AGMO: variants seen among roughly 807,000 people sequenced by gnomAD.
AGMO encodes glyceryl-ether monooxygenase.
A neutral mutation model predicts 60.2 loss-of-function variants in AGMO; 75 were observed. That is an observed-to-expected ratio of 1.25 (90% CI 1.03 to 1.51). The LOEUF is 1.51. Among genes scored for constraint, AGMO ranks in the 40% most tolerant of loss-of-function variants. AGMO has a pLI of 0.00. For missense variants in AGMO, 763 were observed against 525.5 expected, an observed-to-expected ratio of 1.45 and a Z score of -4.42; for synonymous variants, 261 against 177.1, an observed-to-expected ratio of 1.47 and a Z score of -3.76.
chr7:15,171,929 C>G, the AGMO span, among the ~76,000 whole-genome samples: 1 of 152,066 alleles, frequency 6.6e-6, no homozygotes, highest in Non-Finnish European at 1.5e-5. Flanking sequence ...ATCTAAGTAC[C>G]TATCTCTGTG....
chr7:15,462,874 T>C (rs1782181925), intron 3 of AGMO, among the ~76,000 whole-genome samples: 1 of 152,130 alleles, frequency 6.6e-6, no homozygotes. Context: ...TAAAAGTATC[T>C]TCTAAAACTC....
At chr7:15,274,695 CTT>C (rs549793677) in intron 12 of AGMO, among the ~76,000 whole-genome samples, 3 of 135,842 alleles carry the variant, frequency 2.2e-5, no homozygotes, top group Non-Finnish European at 1.6e-5. Flanking sequence ...TGGTGATGGG[CTT>C]TTTTTTTTTT....
chr7:15,374,038 G>A (rs922793460), intron 10 of AGMO, among the ~76,000 whole-genome samples: 1 of 152,154 alleles, frequency 6.6e-6, no homozygotes, highest in Non-Finnish European at 1.5e-5. Context: ...CAATCTTCCA[G>A]ACACTGTGAG....
At chr7:15,305,848 T>G (rs1388756869) in intron 12 of AGMO, among the ~76,000 whole-genome samples, 1 of 151,990 alleles carries the variant, frequency 6.6e-6, no homozygotes, top group Non-Finnish European at 1.5e-5. Context: ...GTGTAATGAA[T>G]CATTAGTAAA....
intron 12 of AGMO, among the ~76,000 whole-genome samples, chr7:15,257,322 C>T (rs1563057478): frequency 6.6e-6 from 1 of 152,066 alleles, no homozygotes; most frequent in South Asian, 2.1e-4. Context: ...GAACTTGATA[C>T]CTACTATGGA....
intron 3 of AGMO, among the ~76,000 whole-genome samples, chr7:15,531,598 A>ATATATATATTCTATATATATTC (rs1562557661): frequency 8.8e-6 from 1 of 113,964 alleles, no homozygotes; most frequent in Non-Finnish European, 1.7e-5. Flanking sequence ...TATATATTCT[A>ATATATATATTCTATATATATTC]TATATATATT....
intron 12 of AGMO, among the ~76,000 whole-genome samples, chr7:15,304,609 T>C (rs994019390): frequency 6.6e-6 from 1 of 152,108 alleles, no homozygotes; most frequent in Non-Finnish European, 1.5e-5. Flanking sequence ...AGTTTCGTTA[T>C]GAGTCAAGGG....
At chr7:15,334,779 G>T (rs750124867) in intron 12 of AGMO, among the ~76,000 whole-genome samples, 1 of 152,106 alleles carries the variant, frequency 6.6e-6, no homozygotes. Context: ...GAAACCAAGT[G>T]TTACATCATT....
chr7:15,361,628 A>C (rs577173194), intron 12 of AGMO, among the ~76,000 whole-genome samples: 154 of 148,918 alleles, frequency 1.0e-3, no homozygotes, highest in South Asian at 1.9e-3. Context: ...AAAAAAAGAA[A>C]GAGAGAGAGA....
At chr7:15,371,725 T>G (rs930783766) in intron 10 of AGMO, among the ~76,000 whole-genome samples, 1 of 151,278 alleles carries the variant, frequency 6.6e-6, no homozygotes, top group South Asian at 2.1e-4. Flanking sequence ...TTTTTTTTTG[T>G]AGAGATGGGT....
chr7:15,300,249 T>C (rs1432522899), intron 12 of AGMO, among the ~76,000 whole-genome samples: 2 of 151,014 alleles, frequency 1.3e-5, no homozygotes, highest in Non-Finnish European at 2.9e-5. Flanking sequence ...AAGTGCTGAG[T>C]ATGTTTAGTT....
chr7:15,147,531 A>ACACGCC, the AGMO span, among the ~76,000 whole-genome samples: 1 of 152,084 alleles, frequency 6.6e-6, no homozygotes, highest in Non-Finnish European at 1.5e-5. Flanking sequence ...CCACCCCATG[A>ACACGCC]CACGTGGGAA....
In AGMO at chr7:15,544,753, G is replaced by T. The variant is rs1271102229; in HGVS notation, c.409+19C>A. The T allele has an allele frequency of 6.5e-7, 1 of 1,548,820 alleles. No individual in the cohort carries two copies. The highest frequency in any genetic ancestry group is 8.7e-7 in the Non-Finnish European group (1 of 1,147,756). On this transcript the variant is annotated intron_variant, in intron 3 of 12. Coordinates refer to ENST00000342526, the MANE Select transcript of AGMO (RefSeq NM_001004320.2). ...ACAGTTCAACATAAGTTAACAAAAA[G>T]TCCTCATTTGCAGCTTACCATGAGC...
intron 12 of AGMO, among the ~76,000 whole-genome samples, chr7:15,231,720 T>A (rs1019397934): frequency 1.3e-5 from 2 of 152,230 alleles, no homozygotes; most frequent in East Asian, 3.9e-4. Flanking sequence ...GTAAGGATAA[T>A]GTTACTTGTC....
intron 12 of AGMO, among the ~76,000 whole-genome samples, chr7:15,242,844 T>C (rs1460561558): frequency 6.6e-6 from 1 of 152,070 alleles, no homozygotes; most frequent in Non-Finnish European, 1.5e-5. Flanking sequence ...AATAAAATGA[T>C]TTAATCTATT....
intron 3 of AGMO, among the ~76,000 whole-genome samples, chr7:15,488,186 G>C (rs2128519949): frequency 6.6e-6 from 1 of 152,296 alleles, no homozygotes; most frequent in South Asian, 2.1e-4. Context: ...CTTTTCAGCT[G>C]AGCAGAAGGT....
intron 12 of AGMO, among the ~76,000 whole-genome samples, chr7:15,334,192 C>G (rs1264760654): frequency 2.0e-5 from 3 of 151,610 alleles, no homozygotes; most frequent in African/African-American, 4.8e-5. Flanking sequence ...ATTCACAAAG[C>G]AAATTTGAAA....
At chr7:15,213,886 T>C (rs937632880) in intron 12 of AGMO, among the ~76,000 whole-genome samples, 2 of 151,956 alleles carry the variant, frequency 1.3e-5, no homozygotes, top group South Asian at 4.1e-4. Context: ...ATGAACAATT[T>C]TGATGGTTAC....
intron 10 of AGMO, among the ~76,000 whole-genome samples, chr7:15,373,510 G>A (rs1483011413): frequency 1.3e-5 from 2 of 151,978 alleles, no homozygotes; most frequent in Non-Finnish European, 2.9e-5. Flanking sequence ...TTCTTCTTTT[G>A]CCCACAGATA....
Sources: allele counts gnomAD v4.1 joint callset (sites outside exome capture counted in the v4.1 genomes callset), GRCh38; gene constraint gnomAD v4.1.1; transcripts MANE v1.5; gene names NCBI Gene and HGNC (gene_info 2026-07-23, HGNC 2026-07-21).